CRTC3: variants seen among roughly 807,000 people sequenced by gnomAD.
CRTC3 encodes the protein CREB regulated transcription coactivator 3.
CRTC3 carries 26 observed loss-of-function variants against 74.5 expected under a neutral mutation model. The observed-to-expected ratio is 0.35, with a 90% CI of 0.26 to 0.48. The LOEUF is 0.48. Ranked by LOEUF, CRTC3 falls within the 20% of genes least tolerant of loss-of-function variation. The pLI is 0.99. For synonymous variants in CRTC3, 377 were observed against 325.8 expected (o/e 1.16, Z -1.69); for missense variants, 760 against 787.3 (o/e 0.97, Z 0.41).
At chr15:90,544,243 G>T (rs1416323791) in intron 2 of CRTC3, among the ~76,000 whole-genome samples, 1 of 152,070 alleles carries the variant, frequency 6.6e-6, no homozygotes, top group Non-Finnish European at 1.5e-5. Flanking sequence ...GTCATCACAC[G>T]ACTTTCTTCA....
At chr15:90,633,604 T>C (rs1969122311) in intron 11 of CRTC3, among the ~76,000 whole-genome samples, 1 of 152,214 alleles carries the variant, frequency 6.6e-6, no homozygotes, top group East Asian at 1.9e-4. Flanking sequence ...GGCGTGAGTC[T>C]GCATATTTGG....
At chr15:90,604,048 A>T (rs990851342) in intron 4 of CRTC3, among the ~76,000 whole-genome samples, 2 of 152,056 alleles carry the variant, frequency 1.3e-5, no homozygotes, top group Admixed American at 6.6e-5. Flanking sequence ...CTTCATGGCC[A>T]TTGGTAGGGG....
intron 2 of CRTC3, among the ~76,000 whole-genome samples, chr15:90,559,280 G>A (rs1336127717): frequency 6.6e-6 from 1 of 152,136 alleles, no homozygotes; most frequent in East Asian, 1.9e-4. Flanking sequence ...GTAACCTTAT[G>A]TGATGGTACT....
At chr15:90,607,614 C>A in intron 6 of CRTC3, 136 bp downstream of exon 6, 1 of 587,546 alleles carries the variant, frequency 1.7e-6, no homozygotes, top group Non-Finnish European at 3.0e-6. Context: ...GGCAGGGAAG[C>A]GTGTGTGTCC....
At chr15:90,624,249 T>C (rs1220961770) in intron 9 of CRTC3, among the ~76,000 whole-genome samples, 1 of 152,040 alleles carries the variant, frequency 6.6e-6, no homozygotes, top group Non-Finnish European at 1.5e-5. Context: ...TCACCCTCAC[T>C]GCTCTTTTCC....
rs184595481 is a variant in CRTC3 at position 90,637,345 on chromosome 15, A to G, written c.1267-1101A>G. On this transcript the variant is annotated intron_variant, in intron 11 of 14. Transcript: ENST00000268184. ...CACATATTCTCACTCATAGGTGGGA[A>G]TTGAACAATGAGAACACATGGACAC... Among the ~76,000 whole-genome samples, 291 of 152,280 alleles carry G rather than the reference A, an allele frequency of 1.9e-3. 1 individual carries two copies. Among genetic ancestry groups the G allele is most frequent in the African/African-American group, 6.7e-3 (280 of 41,558 alleles).
chr15:90,603,250 T>C lies in CRTC3; in HGVS notation c.413+865T>C, dbSNP rs557184321. 4.7e-5 allele frequency among the ~76,000 whole-genome samples: 7 copies of C among 150,320 alleles called. No homozygotes were observed. The South Asian group carries it at 6.4e-4, about 14-fold the overall frequency. On this transcript the variant is annotated intron_variant, in intron 4 of 14. Transcript: ENST00000268184. ...CAAGCTCAGGAGATCGAGACCATCC[T>C]CGCTAACACGGTGAAACCCCGTCTC...
At chr15:90,633,509 CTT>C (rs1567195243) in intron 11 of CRTC3, among the ~76,000 whole-genome samples, 2 of 152,190 alleles carry the variant, frequency 1.3e-5, no homozygotes, top group Non-Finnish European at 2.9e-5. Context: ...ACTCTTAACA[CTT>C]TGCATGGAAT....
In CRTC3 at chr15:90,643,241, C is replaced by T. The variant is rs995038208; in HGVS notation, c.*1101C>T. 1 of 232,532 alleles carries T rather than the reference C, an allele frequency of 4.3e-6. No individual in the cohort carries two copies. The highest frequency in any genetic ancestry group is 6.1e-5 in the East Asian group (1 of 16,454). The allele number at this position is 232,532 out of a possible 1,614,324, so 14.4% of individuals were successfully genotyped here. A position where few individuals can be genotyped will look rare whatever the true frequency, so the allele number is the denominator to read the frequency against. ...ATGATGAATGAGTGCGTCCGCCATG[C>T]CGTAAGGCAGGCTCACCTGTAGCTA... is the stretch of plus-strand genomic sequence containing the variant. On this transcript the variant is annotated 3_prime_UTR_variant, in exon 15 of 15. Transcript: ENST00000268184.
chr15:90,573,847 C>T (rs576128743), intron 2 of CRTC3, among the ~76,000 whole-genome samples: 46 of 152,324 alleles, frequency 3.0e-4, no homozygotes, highest in Admixed American at 7.2e-4. Flanking sequence ...ACCCAGTTCA[C>T]TCCCCACAGG....
intron 2 of CRTC3, among the ~76,000 whole-genome samples, chr15:90,578,401 G>A (rs185278157): frequency 2.0e-5 from 3 of 152,116 alleles, no homozygotes; most frequent in East Asian, 3.9e-4. Flanking sequence ...ACAAAAATTA[G>A]CGAGGCGTGG....
At chr15:90,564,652 TA>T (rs959728585) in intron 2 of CRTC3, among the ~76,000 whole-genome samples, 1 of 152,186 alleles carries the variant, frequency 6.6e-6, no homozygotes, top group Non-Finnish European at 1.5e-5. Context: ...CCATTATCTC[TA>T]AAACTCCACC....
intron 9 of CRTC3, among the ~76,000 whole-genome samples, chr15:90,623,145 C>T (rs1321744201): frequency 6.6e-6 from 1 of 152,146 alleles, no homozygotes; most frequent in Admixed American, 6.5e-5. Context: ...TGGCCCTCCT[C>T]CCGCTGGATT....
chr15:90,553,428 T>C (rs1596078842), intron 2 of CRTC3, among the ~76,000 whole-genome samples: 1 of 152,340 alleles, frequency 6.6e-6, no homozygotes, highest in Middle Eastern at 3.4e-3. Context: ...AAGAATATGG[T>C]TGTCGTATTT....
At position 90,642,071 on chromosome 15, in the gene CRTC3, G is replaced by A. The variant is rs746857867; in HGVS notation, c.1791G>A (p.Met597Ile). The change falls in exon 15 of 15, where the codon ATG (methionine) becomes ATA (isoleucine). Residue 597 changes from methionine to isoleucine, a missense_variant. Physicochemically the swap from Met to Ile is conservative, Grantham distance 10. Around this residue, in one of 2 missense-constraint regions of CRTC3, gnomAD observed 652 missense variants for 635.2 expected, o/e 1.03. Coordinates refer to ENST00000268184, the MANE Select transcript of CRTC3 (RefSeq NM_022769.5). ...IEPLSLDGLN[M>I]LSDSSMGLLD... ...CCCTGAGCCTGGACGGACTCAACAT[G>A]TTAAGTGACTCCAGCATGGGCCTGC... The A allele has an allele frequency of 6.2e-7, 1 of 1,614,052 alleles. No homozygotes were observed. Among genetic ancestry groups the A allele is most frequent in the South Asian group, 1.1e-5 (1 of 91,088 alleles).
intron 7 of CRTC3, among the ~76,000 whole-genome samples, chr15:90,614,918 G>T (rs1968450332): frequency 1.3e-5 from 2 of 151,950 alleles, no homozygotes; most frequent in South Asian, 4.2e-4. Context: ...ACAAAAATTA[G>T]CCGGGCGTGG....
chr15:90,540,278 T>A, intron 2 of CRTC3, 141 bp downstream of exon 2: 3 of 604,026 alleles, frequency 5.0e-6, no homozygotes, highest in Non-Finnish European at 8.5e-6. Flanking sequence ...ATTAATATTC[T>A]CTCTCATAGT....
At chr15:90,618,730 A>G (rs962761703) in intron 8 of CRTC3, among the ~76,000 whole-genome samples, 1 of 152,220 alleles carries the variant, frequency 6.6e-6, no homozygotes, top group Non-Finnish European at 1.5e-5. Context: ...CAGAGTCACC[A>G]TTAGCATTAG....
At chr15:90,537,585 C>T (rs942033466) in intron 1 of CRTC3, among the ~76,000 whole-genome samples, 1 of 152,158 alleles carries the variant, frequency 6.6e-6, no homozygotes, top group Admixed American at 6.5e-5. Context: ...AGGGTTTCAC[C>T]GTCTTAGCCA....
Sources: gnomAD v4.1 joint callset for allele counts (sites outside exome capture counted in the v4.1 genomes callset) on GRCh38, gnomAD v4.1.1 for gene constraint, gnomAD v4.1.1 regional missense constraint, MANE v1.5 for transcripts, NCBI Gene and HGNC (gene_info 2026-07-23, HGNC 2026-07-21) for gene names.